PRDM11: variants seen among roughly 807,000 people sequenced by gnomAD.
The protein encoded by PRDM11 is PR/SET domain 11.
Under a neutral mutation model 97.8 loss-of-function variants are expected in PRDM11, and 20 were observed. That is an observed-to-expected ratio of 0.20 (90% CI 0.14 to 0.30). The LOEUF is 0.30. Ranked by LOEUF, PRDM11 falls within the 10% of genes least tolerant of loss-of-function variation. PRDM11 has a pLI of 1.00. For synonymous variants in PRDM11, 599 were observed against 637.7 expected, an observed-to-expected ratio of 0.94 and a Z score of 0.91; for missense variants, 1,139 against 1,555.2, an observed-to-expected ratio of 0.73 and a Z score of 4.50.
At chr11:45,110,569 G>A (rs1330971020) in intron 1 of PRDM11, among the ~76,000 whole-genome samples, 1 of 152,196 alleles carries the variant, frequency 6.6e-6, no homozygotes, top group Non-Finnish European at 1.5e-5. Flanking sequence ...CTGACCTGGG[G>A]GCTAAAGTGC....
intron 1 of PRDM11, among the ~76,000 whole-genome samples, chr11:45,180,840 A>C (rs2135733279): frequency 6.6e-6 from 1 of 151,400 alleles, no homozygotes; most frequent in Middle Eastern, 3.5e-3. Context: ...CGGCCTGGGC[A>C]GCCCTCCCCT....
At chr11:45,111,387 AGCGACAGGACAACAGGG>A (rs1852176035) in intron 1 of PRDM11, among the ~76,000 whole-genome samples, 10 of 54,644 alleles carry the variant, frequency 1.8e-4, no homozygotes, top group Admixed American at 7.0e-4. Context: ...CCCATTTCAC[AGCGACAGGACAACAGGG>A]ACCTTGGGCC....
At chr11:45,110,096 CT>C (rs1852140908) in intron 1 of PRDM11, among the ~76,000 whole-genome samples, 1 of 152,192 alleles carries the variant, frequency 6.6e-6, no homozygotes, top group Non-Finnish European at 1.5e-5. Flanking sequence ...TCCTTTATTT[CT>C]GTAGTTTATA....
intron 5 of PRDM11, among the ~76,000 whole-genome samples, chr11:45,205,151 G>C (rs140614828): frequency 1.3e-5 from 2 of 152,340 alleles, no homozygotes; most frequent in Non-Finnish European, 2.9e-5. Flanking sequence ...AATCGTCCCA[G>C]TGCAGCCCCA....
intron 4 of PRDM11, among the ~76,000 whole-genome samples, chr11:45,192,590 T>G (rs1203474856): frequency 6.6e-6 from 1 of 152,210 alleles, no homozygotes; most frequent in Non-Finnish European, 1.5e-5. Flanking sequence ...GTATAATATT[T>G]CCAGTACAGA....
At chr11:45,190,443 C>T (rs1042535665) in intron 4 of PRDM11, among the ~76,000 whole-genome samples, 6 of 150,630 alleles carry the variant, frequency 4.0e-5, no homozygotes, top group African/African-American at 1.2e-4. Context: ...CCACCGCGCC[C>T]GGCCATACAT....
chr11:45,190,450 A>G (rs1405294571), intron 4 of PRDM11, among the ~76,000 whole-genome samples: 1 of 147,084 alleles, frequency 6.8e-6, no homozygotes, highest in African/African-American at 2.6e-5. Flanking sequence ...GCCCGGCCAT[A>G]CATTCTTTTT....
At chr11:45,097,294 A>G (rs1851898490) in intron 1 of PRDM11, among the ~76,000 whole-genome samples, 1 of 152,224 alleles carries the variant, frequency 6.6e-6, no homozygotes, top group Middle Eastern at 3.2e-3. Context: ...CCTTGTATGT[A>G]AACTGAAGGC....
chr11:45,225,822 A>C (rs1437496254), intron 7 of PRDM11, among the ~76,000 whole-genome samples, 173 bp from the exon 8 acceptor site: 2 of 152,196 alleles, frequency 1.3e-5, no homozygotes, highest in Non-Finnish European at 1.5e-5. Flanking sequence ...TCACATGGGC[A>C]AGCAGGAGTG....
chr11:45,187,781 AG>A (rs1421246909), intron 4 of PRDM11, among the ~76,000 whole-genome samples: 2 of 150,292 alleles, frequency 1.3e-5, no homozygotes, highest in African/African-American at 4.9e-5. Context: ...AGATGCTTAA[AG>A]TGGCTCAAGA....
intron 4 of PRDM11, among the ~76,000 whole-genome samples, chr11:45,185,589 A>G (rs1852675082): frequency 6.6e-6 from 1 of 152,148 alleles, no homozygotes; most frequent in Non-Finnish European, 1.5e-5. Context: ...AGTGTAGAGT[A>G]GAGATAAGGC....
chr11:45,200,832 G>A (rs779205991), intron 4 of PRDM11, among the ~76,000 whole-genome samples: 1 of 152,158 alleles, frequency 6.6e-6, no homozygotes, highest in Non-Finnish European at 1.5e-5. Flanking sequence ...AAACACAAAG[G>A]CAGTACAGTC....
Position 45,228,084 on chromosome 11 carries a change from T to C in PRDM11, c.3459T>C (p.Ser1153=). ...NSYALSAEVL[S]RMSALEQKPA... ...ACGCGCTGTCTGCAGAAGTCCTCAG[T>C]AGGATGTCTGCGCTGGAGCAGAAGC... The change falls in exon 8 of 8, where the codon AGT becomes AGC. Residue 1153 remains serine (S), a synonymous_variant. Coordinates refer to ENST00000683152, the MANE Select transcript of PRDM11 (RefSeq NM_001384648.1). 1.3e-6 allele frequency: 2 copies of C among 1,533,654 alleles called. No homozygotes were observed. The highest frequency in any genetic ancestry group is 1.7e-6 in the Non-Finnish European group (2 of 1,146,670).
At chr11:45,171,773 G>A (rs1852206620) in intron 1 of PRDM11, among the ~76,000 whole-genome samples, 1 of 152,228 alleles carries the variant, frequency 6.6e-6, no homozygotes. Flanking sequence ...CAGTGTAAGA[G>A]GAAGTGCAGA....
rs926425188 is a variant in PRDM11, at chr11:45,226,458, C to T, written c.1833C>T (p.Pro611=). The change falls in exon 8 of 8, where the codon CCC becomes CCT. Residue 611 remains proline, a synonymous_variant. Coordinates refer to ENST00000683152, the MANE Select transcript of PRDM11 (RefSeq NM_001384648.1). ...GCAGGCCCTACCTGGACTTCCGGCCCCTGGCGGAGCTGCTGAGGAAGTGTG... is the reference window on the plus strand; with the variant it reads ...GCAGGCCCTACCTGGACTTCCGGCCTCTGGCGGAGCTGCTGAGGAAGTGTG... ...LEGRPYLDFR[P]LAELLRKCEL... The T allele has an allele frequency of 6.5e-6, 10 of 1,533,856 alleles. No individual in the cohort carries two copies. The African/African-American group carries it at 1.4e-4, about 21-fold the overall frequency.
Position 45,219,579 on chromosome 11 carries a change from C to T in PRDM11, c.564C>T (p.Val188=). The stretch of plus-strand genomic sequence containing the variant: ...CTCCCCTCCCCACCAGGTACGTGGT[C>T]ATCTCCCGGGAGGAGAGGGAGCAGA... ...ETKANWMRYV[V]ISREEREQNL... The change falls in exon 6 of 8, where the codon GTC becomes GTT. Residue 188 remains valine (V), a synonymous_variant. Transcript: ENST00000683152. The surrounding 1 kb of genome is among the most constrained non-coding windows in gnomAD (Gnocchi z 4.2). 1.2e-6 allele frequency: 2 copies of T among 1,613,566 alleles called. No individual in the cohort carries two copies. The highest frequency in any genetic ancestry group is 1.7e-6 in the Non-Finnish European group (2 of 1,179,630).
At position 45,226,463 on chromosome 11, in the gene PRDM11, C is replaced by G; in HGVS notation, c.1838C>G (p.Ala613Gly). ...GRPYLDFRPL[A>G]ELLRKCELKV... ...CCCTACCTGGACTTCCGGCCCCTGG[C>G]GGAGCTGCTGAGGAAGTGTGAGCTC... is the stretch of plus-strand genomic sequence containing the variant. Residue 613 changes from alanine to glycine, a missense_variant, in exon 8 of 8, where the codon GCG becomes GGG. Around this residue, in one of 2 missense-constraint regions of PRDM11, gnomAD observed 710 missense variants for 1,044.9 expected, o/e 0.68. Coordinates refer to ENST00000683152, the MANE Select transcript of PRDM11 (RefSeq NM_001384648.1). The G allele has an allele frequency of 6.5e-7, 1 of 1,533,996 alleles. No individual in the cohort carries two copies. The highest frequency in any genetic ancestry group is 8.7e-7 in the Non-Finnish European group (1 of 1,146,736).
intron 5 of PRDM11, among the ~76,000 whole-genome samples, chr11:45,207,476 A>C (rs1010484569): frequency 6.6e-6 from 1 of 152,160 alleles, no homozygotes. Context: ...GTTGGATGCT[A>C]TCAGATAGAA....
intron 1 of PRDM11, among the ~76,000 whole-genome samples, chr11:45,115,373 CA>C (rs976661137): frequency 1.3e-5 from 2 of 151,150 alleles, no homozygotes; most frequent in African/African-American, 4.9e-5. Context: ...CAAAAGAAAA[CA>C]AAAAAGGAGG....
Sources: gnomAD v4.1 joint callset for allele counts (sites outside exome capture counted in the v4.1 genomes callset) on GRCh38, gnomAD v4.1.1 for gene constraint, gnomAD v4.1.1 regional missense constraint, Gnocchi (gnomAD v3.1) non-coding constraint, MANE v1.5 for transcripts, NCBI Gene and HGNC (gene_info 2026-07-23, HGNC 2026-07-21) for gene names.